The following LYZL4 variants were observed in gnomAD, a reference collection of about 807,000 sequenced individuals.
LYZL4 encodes the protein lysozyme-like protein 4.
In LYZL4, 13 loss-of-function variants were observed where a neutral mutation model predicts 17.6. The ratio of observed to expected loss-of-function variants is 0.74; its 90% CI spans 0.48 to 1.18. LYZL4 has a LOEUF of 1.18. LYZL4 is among the 50% of genes most tolerant of loss of function. The probability of loss-of-function intolerance (pLI) is 0.00; values close to 1 mark genes in which losing one functional copy is unlikely to be tolerated. For synonymous variants in LYZL4, 64 were observed against 67.7 expected (o/e 0.95, Z 0.27); for missense variants, 174 against 188.2 (o/e 0.92, Z 0.44).
At chr3:42,365,232 AT>A in the LYZL4 span, among the ~76,000 whole-genome samples, 1 of 152,202 alleles carries the variant, frequency 6.6e-6, no homozygotes, top group Admixed American at 6.5e-5. Flanking sequence ...TAAATATAAG[AT>A]TGGAACCAAG....
the LYZL4 span, among the ~76,000 whole-genome samples, chr3:42,370,041 G>A: frequency 1.8e-4 from 28 of 152,024 alleles, no homozygotes; most frequent in Admixed American, 1.3e-3. Context: ...AAGACTCCAG[G>A]GGCTCCCACG....
chr3:42,406,756 C>A, intron 3 of LYZL4, 90 bp downstream of exon 3: 2 of 1,531,714 alleles, frequency 1.3e-6, no homozygotes, highest in South Asian at 1.2e-5. Context: ...CTTTGTAAAA[C>A]TTTGTAAACT....
chr3:42,379,005 G>A, the LYZL4 span, among the ~76,000 whole-genome samples: 6 of 152,060 alleles, frequency 3.9e-5, no homozygotes, highest in African/African-American at 1.4e-4. Flanking sequence ...TCTTCTGCTT[G>A]TGAGCAACAG....
chr3:42,406,913 G>A lies in LYZL4; in HGVS notation c.225C>T (p.Leu75=), dbSNP rs1473505940. Residue 75 remains leucine (L), a synonymous_variant, in exon 3 of 5, where the codon CTC becomes CTT. Transcript: ENST00000287748. The stretch of plus-strand genomic sequence containing the variant: ...ACCAGTCACTGCCACGCATCTGAAA[G>A]AGGCCAAAGCCAGTGTAGCCCTCAC... ...NTREGYTGFG[L]FQMRGSDWCG... is the part of the protein sequence containing the mutation. The A allele has an allele frequency of 6.2e-7, 1 of 1,614,116 alleles. No homozygotes were observed. Among genetic ancestry groups the A allele is most frequent in the Non-Finnish European group, 8.5e-7 (1 of 1,180,056 alleles).
chr3:42,386,411 C>G, the LYZL4 span, among the ~76,000 whole-genome samples: 3 of 117,232 alleles, frequency 2.6e-5, no homozygotes, highest in East Asian at 2.8e-4. Context: ...CCCCCCCCCC[C>G]CGCCTCCCTC....
At chr3:42,387,598 C>G in the LYZL4 span, among the ~76,000 whole-genome samples, 1 of 152,130 alleles carries the variant, frequency 6.6e-6, no homozygotes, top group Non-Finnish European at 1.5e-5. Context: ...CCCTGCTCCA[C>G]CACCCCAACT....
chr3:42,406,508 G>A (rs1043102839), intron 3 of LYZL4, among the ~76,000 whole-genome samples: 11 of 149,040 alleles, frequency 7.4e-5, no homozygotes, highest in African/African-American at 2.2e-4. Context: ...AGAGGTGGCC[G>A]AGCGTGGGTG....
chr3:42,397,795 C>T (rs1222462897), intron 4 of LYZL4, among the ~76,000 whole-genome samples: 4 of 152,118 alleles, frequency 2.6e-5, no homozygotes, highest in Non-Finnish European at 5.9e-5. Flanking sequence ...GTACCTGCTC[C>T]GCTCTTCACC....
At chr3:42,388,429 T>C in the LYZL4 span, among the ~76,000 whole-genome samples, 1 of 152,338 alleles carries the variant, frequency 6.6e-6, no homozygotes. Context: ...CAGACACAGA[T>C]CAATCTGATG....
downstream of LYZL4, among the ~76,000 whole-genome samples, chr3:42,396,178 C>A (rs912318583): frequency 4.6e-5 from 7 of 152,228 alleles, no homozygotes; most frequent in Non-Finnish European, 1.0e-4. Context: ...TGAAGAACTA[C>A]AACACCATGG....
At chr3:42,386,785 A>G in the LYZL4 span, among the ~76,000 whole-genome samples, 1 of 152,178 alleles carries the variant, frequency 6.6e-6, no homozygotes, top group Admixed American at 6.5e-5. Context: ...TTTCTCAGAG[A>G]CATGTATTAA....
At chr3:42,395,348 G>T (rs1698536255), downstream of LYZL4, among the ~76,000 whole-genome samples, 2 of 152,268 alleles carry the variant, frequency 1.3e-5, no homozygotes, top group South Asian at 4.2e-4. Flanking sequence ...ATCATAGTTT[G>T]TCTATATAAT....
chr3:42,390,921 A>G, the LYZL4 span, among the ~76,000 whole-genome samples: 1 of 152,184 alleles, frequency 6.6e-6, no homozygotes, highest in African/African-American at 2.4e-5. Flanking sequence ...GTTTTGGTGG[A>G]GCCTTGGAAG....
chr3:42,398,888 A>G (rs1268173332), intron 4 of LYZL4, among the ~76,000 whole-genome samples: 2 of 152,244 alleles, frequency 1.3e-5, no homozygotes, highest in African/African-American at 2.4e-5. Context: ...GGATAAAAAT[A>G]CCATAAAATC....
At chr3:42,395,017 G>A (rs185983747), downstream of LYZL4, among the ~76,000 whole-genome samples, 1 of 152,226 alleles carries the variant, frequency 6.6e-6, no homozygotes, top group Non-Finnish European at 1.5e-5. Context: ...GATCTCAACT[G>A]CAAGTGCCAC....
In LYZL4 at chr3:42,407,331, G is replaced by A; in HGVS notation, c.-80C>T. The A allele has an allele frequency of 6.3e-7, 1 of 1,594,220 alleles. No homozygotes were observed. The highest frequency in any genetic ancestry group is 8.6e-7 in the Non-Finnish European group (1 of 1,169,244). On this transcript the variant is annotated 5_prime_UTR_variant, in exon 2 of 5. Coordinates refer to ENST00000287748, the MANE Select transcript of LYZL4 (RefSeq NM_144634.4). ...TCACAGGGACACTGGTTCTCTGAAG[G>A]GAAAGAAGGGCACTGTGGGGGTGGG...
chr3:42,384,598 G>A, the LYZL4 span, among the ~76,000 whole-genome samples: 1 of 152,214 alleles, frequency 6.6e-6, no homozygotes, highest in South Asian at 2.1e-4. Flanking sequence ...TGAATGATAA[G>A]TACGTAGGAA....
At chr3:42,384,488 A>AGGAGGAG in the LYZL4 span, among the ~76,000 whole-genome samples, 764 of 152,324 alleles carry the variant, frequency 5.0e-3, 5 homozygotes, top group Non-Finnish European at 7.5e-3. Flanking sequence ...AGAAGTCATG[A>AGGAGGAG]GGAGGAGGTT....
At chr3:42,368,438 A>G in the LYZL4 span, among the ~76,000 whole-genome samples, 1 of 152,242 alleles carries the variant, frequency 6.6e-6, no homozygotes, top group Non-Finnish European at 1.5e-5. Context: ...ATAGTATTCT[A>G]TGCAGGTGTA....
Sources: gnomAD v4.1 joint callset for allele counts (sites outside exome capture counted in the v4.1 genomes callset) on GRCh38, gnomAD v4.1.1 for gene constraint, MANE v1.5 for transcripts, NCBI Gene and HGNC (gene_info 2026-07-23, HGNC 2026-07-21) for gene names.